Variants in L3MBTL3 observed in about 807,000 individuals in gnomAD.
L3MBTL3 encodes the protein L3MBTL histone methyl-lysine binding protein 3.
L3MBTL3 carries 27 observed loss-of-function variants against 102.3 expected under a neutral mutation model. The observed-to-expected ratio is 0.26, with a 90% confidence interval of 0.19 to 0.36. The LOEUF is 0.36. L3MBTL3 is among the 10% of genes least tolerant of loss of function. The probability of loss-of-function intolerance (pLI) is 1.00; values close to 1 mark genes in which losing one functional copy is unlikely to be tolerated. For missense variants in L3MBTL3, 798 were observed against 955.3 expected, an observed-to-expected ratio of 0.84 and a Z score of 2.17; for synonymous variants, 340 against 320.9, an observed-to-expected ratio of 1.06 and a Z score of -0.64.
chr6:130,038,959 A>G (rs1240901978), intron 2 of L3MBTL3, among the ~76,000 whole-genome samples: 1 of 152,200 alleles, frequency 6.6e-6, no homozygotes, highest in African/African-American at 2.4e-5. Flanking sequence ...TGAAGCGTCT[A>G]GTAAATTCCA....
chr6:130,133,829 AT>A lies in L3MBTL3; in HGVS notation c.2137-12del, dbSNP rs369531783. On this transcript the variant is annotated splice_polypyrimidine_tract_variant and intron_variant, in intron 21 of 22. Coordinates refer to ENST00000361794, the MANE Select transcript of L3MBTL3 (RefSeq NM_032438.4). The surrounding 1 kb of genome is among the most constrained non-coding windows in gnomAD (Gnocchi z 4.9). ...GTGTTTTTTAACTGGGAATTTTGAT[AT>A]TGCTTTTGACAGGTGTCAGAATTTA... 4.9e-4 allele frequency: 780 copies of A among 1,608,016 alleles called. 7 individuals are homozygous for A. The African/African-American group carries it at 9.7e-3, about 20-fold the overall frequency.
intron 2 of L3MBTL3, among the ~76,000 whole-genome samples, chr6:130,039,227 A>G (rs1011513865): frequency 6.6e-6 from 1 of 152,156 alleles, no homozygotes; most frequent in African/African-American, 2.4e-5. Context: ...TTCTCACATT[A>G]CATCATTTCA....
rs913508773 is a variant in L3MBTL3, at chr6:130,022,246, G to C, written c.-75G>C. 1.3e-5 allele frequency: 2 copies of C among 152,196 alleles called. No individual in the cohort carries two copies. Among genetic ancestry groups the C allele is most frequent in the African/African-American group, 4.8e-5 (2 of 41,434 alleles). The allele number at this position is 152,196 out of a possible 1,614,324, so 9.4% of individuals were successfully genotyped here. A position where few individuals can be genotyped will look rare whatever the true frequency, so the allele number is the denominator to read the frequency against. ...TGCTAGAACCCTTAGGAGAAATCTTGAGAGTGGACAGCAATTGTGAAGATC... is the reference window on the plus strand; with the variant it reads ...TGCTAGAACCCTTAGGAGAAATCTTCAGAGTGGACAGCAATTGTGAAGATC... On this transcript the variant is annotated 5_prime_UTR_variant, in exon 2 of 23. Coordinates refer to ENST00000361794, the MANE Select transcript of L3MBTL3 (RefSeq NM_032438.4).
At chr6:130,095,353 C>T (rs926442066) in intron 18 of L3MBTL3, among the ~76,000 whole-genome samples, 1 of 152,096 alleles carries the variant, frequency 6.6e-6, no homozygotes. Flanking sequence ...TCTCTGCAAC[C>T]TCAAATCTTC....
Position 130,126,501 on chromosome 6 carries a change from A to G in L3MBTL3, c.1966+5543A>G, listed in dbSNP as rs1048568626. ...CTCATATTTGGTTTAGGTAGTGTTC[A>G]TTGAAGATTTATTGTCTTGTTTCTC... On this transcript the variant is annotated intron_variant, in intron 20 of 22. Transcript: ENST00000361794. 2.0e-5 allele frequency among the ~76,000 whole-genome samples: 3 copies of G among 152,290 alleles called. No homozygotes were observed. In the East Asian group the frequency reaches 5.8e-4, roughly 29 times the overall value.
intron 18 of L3MBTL3, among the ~76,000 whole-genome samples, chr6:130,098,381 C>T (rs1029664701): frequency 6.6e-5 from 10 of 152,080 alleles, no homozygotes; most frequent in African/African-American, 1.9e-4. Flanking sequence ...TCTAAAGAGG[C>T]CAGTCTGGTG....
Position 130,140,115 on chromosome 6 carries a change from T to C in L3MBTL3, c.*362T>C, listed in dbSNP as rs755904448. The C allele has an allele frequency of 1.8e-5, 3 of 170,184 alleles. No homozygotes were observed. The highest frequency in any genetic ancestry group is 2.5e-5 in the Non-Finnish European group (2 of 79,746). The allele number at this position is 170,184 out of a possible 1,614,324, so 10.5% of individuals were successfully genotyped here. A position where few individuals can be genotyped will look rare whatever the true frequency, so the allele number is the denominator to read the frequency against. ...GTAAACATTGTTGAATTCTCTTTCA[T>C]GTACACTGTTTCTTTTTCAATACTT... On this transcript the variant is annotated 3_prime_UTR_variant, in exon 23 of 23. Coordinates refer to ENST00000361794, the MANE Select transcript of L3MBTL3 (RefSeq NM_032438.4).
At chr6:130,096,185 G>C (rs868414338) in intron 18 of L3MBTL3, among the ~76,000 whole-genome samples, 2 of 152,222 alleles carry the variant, frequency 1.3e-5, no homozygotes, top group Middle Eastern at 3.4e-3. Flanking sequence ...TTCCCAACTG[G>C]GGAGAAGGGA....
chr6:130,044,119 AAACTGTTTCTCAAACTGGTCATGTC>A (rs1262880353), intron 3 of L3MBTL3, among the ~76,000 whole-genome samples: 2 of 152,210 alleles, frequency 1.3e-5, no homozygotes, highest in African/African-American at 4.8e-5. Context: ...TGAGAAAGAA[AAACTGTTTCTCAAACTGGTCATGTC>A]AACTACATAA....
intron 17 of L3MBTL3, among the ~76,000 whole-genome samples, chr6:130,093,895 C>T (rs142395397): frequency 1.3e-3 from 194 of 152,296 alleles, no homozygotes; most frequent in African/African-American, 4.3e-3. Context: ...GAAGTGTTCA[C>T]AGTATGTGAG....
intron 11 of L3MBTL3, among the ~76,000 whole-genome samples, 174 bp from the exon 12 acceptor site, chr6:130,068,156 T>G (rs1400514833): frequency 6.6e-6 from 1 of 152,234 alleles, no homozygotes; most frequent in African/African-American, 2.4e-5. Context: ...TAATACAGTT[T>G]GTTGAAAATA....
At chr6:130,088,422 G>A (rs935567887) in intron 16 of L3MBTL3, among the ~76,000 whole-genome samples, 3 of 152,156 alleles carry the variant, frequency 2.0e-5, no homozygotes, top group African/African-American at 4.8e-5. Context: ...TTTTAAGAAG[G>A]AAGAAGAGGA....
chr6:130,125,019 A>G (rs116347262), intron 20 of L3MBTL3, among the ~76,000 whole-genome samples: 79 of 152,246 alleles, frequency 5.2e-4, no homozygotes, highest in African/African-American at 1.8e-3. Context: ...TTGGTAACCA[A>G]CATGGCACAG....
At chr6:130,042,618 G>A (rs1780494438) in intron 2 of L3MBTL3, 67 bp from the exon 3 acceptor site, 6 of 895,894 alleles carry the variant, frequency 6.7e-6, no homozygotes, top group Non-Finnish European at 7.4e-6. Flanking sequence ...CTGAACTAAC[G>A]AGTACTAAAT....
At chr6:130,044,225 C>G (rs1172252119) in intron 3 of L3MBTL3, among the ~76,000 whole-genome samples, 1 of 152,046 alleles carries the variant, frequency 6.6e-6, no homozygotes, top group Non-Finnish European at 1.5e-5. Context: ...AAATTGAGGA[C>G]ATTAGAATCT....
At chr6:130,059,579 A>G (rs1178080593) in intron 9 of L3MBTL3, among the ~76,000 whole-genome samples, 1 of 152,190 alleles carries the variant, frequency 6.6e-6, no homozygotes, top group African/African-American at 2.4e-5. Flanking sequence ...ACAATTTCCT[A>G]GAGTTAGAAT....
intron 19 of L3MBTL3, among the ~76,000 whole-genome samples, chr6:130,119,637 C>G (rs546909101): frequency 6.6e-6 from 1 of 152,172 alleles, no homozygotes; most frequent in South Asian, 2.1e-4. Context: ...AATGATTCTC[C>G]CCCATTTTCA....
intron 3 of L3MBTL3, among the ~76,000 whole-genome samples, chr6:130,043,606 C>T (rs1780561061): frequency 6.6e-6 from 1 of 152,160 alleles, no homozygotes; most frequent in Admixed American, 6.5e-5. Context: ...CTTGATCGTT[C>T]AGGTATTTGA....
At chr6:130,053,136 C>T in intron 7 of L3MBTL3, 145 bp downstream of exon 7, 5 of 602,854 alleles carry the variant, frequency 8.3e-6, no homozygotes, top group Non-Finnish European at 1.5e-5. Flanking sequence ...TACATGGCCT[C>T]TGTGTGCCTT....
Sources: allele counts gnomAD v4.1 joint callset (sites outside exome capture counted in the v4.1 genomes callset), GRCh38; gene constraint gnomAD v4.1.1; non-coding constraint Gnocchi (gnomAD v3.1); transcripts MANE v1.5; gene names NCBI Gene and HGNC (gene_info 2026-07-23, HGNC 2026-07-21).